The following IQGAP1 variants were observed in gnomAD, a reference collection of about 807,000 sequenced individuals.
IQGAP1 encodes the protein ras GTPase-activating-like protein IQGAP1.
IQGAP1 carries 66 observed loss-of-function variants against 215.6 expected under a neutral mutation model. The observed-to-expected ratio is 0.31, with a 90% CI of 0.25 to 0.38. IQGAP1 has a LOEUF of 0.38. Ranked by LOEUF, IQGAP1 falls within the 10% of genes least tolerant of loss-of-function variation. The pLI is 1.00. For synonymous variants in IQGAP1, 772 were observed against 728.7 expected (o/e 1.06, Z -0.96); for missense variants, 1,712 against 1,997.1 (o/e 0.86, Z 2.72).
At chr15:90,492,492 AAATGAT>A (rs1435493118) in intron 34 of IQGAP1, 47 bp from the exon 35 acceptor site, 13 of 1,426,040 alleles carry the variant, frequency 9.1e-6, no homozygotes, top group Non-Finnish European at 1.2e-5. Flanking sequence ...TTGTAGTGTG[AAATGAT>A]AATGATAACT....
chr15:90,417,249 T>A (rs1965066581), intron 2 of IQGAP1, among the ~76,000 whole-genome samples: 1 of 152,248 alleles, frequency 6.6e-6, no homozygotes. Flanking sequence ...TTGTTGCCAT[T>A]GCTTTTGGTG....
chr15:90,498,584 G>T (rs1039508732), intron 37 of IQGAP1, among the ~76,000 whole-genome samples: 3 of 152,146 alleles, frequency 2.0e-5, no homozygotes, highest in African/African-American at 7.2e-5. Flanking sequence ...GTTAGGCACA[G>T]GTCCCAGCAG....
intron 2 of IQGAP1, among the ~76,000 whole-genome samples, chr15:90,401,742 A>C (rs1391214910): frequency 6.6e-6 from 1 of 152,226 alleles, no homozygotes; most frequent in Non-Finnish European, 1.5e-5. Context: ...TCCAGATTTC[A>C]GGTTTGGCAA....
At chr15:90,499,316 C>T (rs1966312903) in intron 37 of IQGAP1, among the ~76,000 whole-genome samples, 1 of 152,220 alleles carries the variant, frequency 6.6e-6, no homozygotes, top group Non-Finnish European at 1.5e-5. Context: ...ATCTCTGAGT[C>T]TCAGTAGCTC....
intron 36 of IQGAP1, among the ~76,000 whole-genome samples, chr15:90,495,157 A>G (rs1307702451): frequency 1.3e-5 from 2 of 152,220 alleles, no homozygotes; most frequent in Non-Finnish European, 2.9e-5. Context: ...AGTAACAATA[A>G]GAGGAGTTTG....
At chr15:90,481,269 CTTTTTTT>C (rs57452745) in intron 26 of IQGAP1, among the ~76,000 whole-genome samples, 16,205 of 112,930 alleles carry the variant, frequency 0.14, 1,146 homozygotes, top group African/African-American at 0.16. Flanking sequence ...CTCTCTGCCT[CTTTTTTT>C]TTTTTTTTTT....
intron 2 of IQGAP1, among the ~76,000 whole-genome samples, chr15:90,421,494 A>G (rs955965577): frequency 1.3e-5 from 2 of 151,390 alleles, no homozygotes; most frequent in African/African-American, 4.9e-5. Flanking sequence ...AAAAAAAGCT[A>G]GAGATATGGT....
At chr15:90,490,475 T>C (rs1326979392) in intron 33 of IQGAP1, among the ~76,000 whole-genome samples, 4 of 137,892 alleles carry the variant, frequency 2.9e-5, no homozygotes, top group Non-Finnish European at 6.3e-5. Flanking sequence ...ATGGCGACTA[T>C]GAAGGATGGC....
intron 22 of IQGAP1, 148 bp from the exon 23 acceptor site, chr15:90,474,337 C>T: frequency 1.3e-6 from 1 of 775,932 alleles, no homozygotes; most frequent in Non-Finnish European, 2.1e-6. Flanking sequence ...TAGCAATAGC[C>T]TGACACAGAA....
intron 2 of IQGAP1, among the ~76,000 whole-genome samples, chr15:90,395,823 C>T (rs555773167): frequency 6.6e-6 from 1 of 152,122 alleles, no homozygotes; most frequent in East Asian, 1.9e-4. Context: ...GAAGAAAGTA[C>T]GATTAGTACT....
intron 15 of IQGAP1, among the ~76,000 whole-genome samples, chr15:90,458,835 C>T (rs999473807): frequency 2.0e-5 from 3 of 152,144 alleles, no homozygotes; most frequent in African/African-American, 7.2e-5. Flanking sequence ...ATAATTATAT[C>T]TCTTAAATGA....
chr15:90,483,489 T>C lies in IQGAP1; in HGVS notation c.3684T>C (p.Ile1228=). The C allele has an allele frequency of 6.2e-7, 1 of 1,614,218 alleles. No individual in the cohort carries two copies. Among genetic ancestry groups the C allele is most frequent in the South Asian group, 1.1e-5 (1 of 91,082 alleles). The part of the protein sequence containing the change: ...TTDQRRNLGS[I]AKMLQHAASN... Reference sequence around the variant, plus strand: ...ACCAACGCCGAAATCTGGGCTCCATTGCAAAAATGCTTCAGCATGCTGCTT... The same window carrying C: ...ACCAACGCCGAAATCTGGGCTCCATCGCAAAAATGCTTCAGCATGCTGCTT... The change falls in exon 29 of 38, where the codon ATT becomes ATC. Residue 1228 remains isoleucine, a synonymous_variant. Coordinates refer to ENST00000268182, the MANE Select transcript of IQGAP1 (RefSeq NM_003870.4).
chr15:90,404,234 G>A (rs554476036), intron 2 of IQGAP1, among the ~76,000 whole-genome samples: 4 of 152,266 alleles, frequency 2.6e-5, no homozygotes, highest in African/African-American at 4.8e-5. Flanking sequence ...ATTTGCTCTC[G>A]TAAGAGGTTG....
chr15:90,477,710 G>A lies in IQGAP1; in HGVS notation c.3150G>A (p.Thr1050=), dbSNP rs148636125. The A allele has an allele frequency of 1.2e-5, 19 of 1,613,776 alleles. No individual in the cohort carries two copies. The highest frequency in any genetic ancestry group is 9.4e-5 in the African/African-American group (7 of 74,864). The part of the protein sequence containing the change: ...QIQEIVTGNP[T]VIKMVVSFNR... Reference sequence around the variant, plus strand: ...AAGAGATTGTGACAGGAAATCCTACGGTTATTAAAATGGTTGTAAGTTTCA... The same window carrying A: ...AAGAGATTGTGACAGGAAATCCTACAGTTATTAAAATGGTTGTAAGTTTCA... Residue 1050 remains threonine (T), a synonymous_variant, in exon 26 of 38, where the codon ACG becomes ACA. Coordinates refer to ENST00000268182, the MANE Select transcript of IQGAP1 (RefSeq NM_003870.4).
chr15:90,449,726 A>C, intron 11 of IQGAP1, 83 bp downstream of exon 11: 1 of 1,151,112 alleles, frequency 8.7e-7, no homozygotes, highest in Non-Finnish European at 1.3e-6. Flanking sequence ...TGTCATCGTC[A>C]TCACCCACTC....
chr15:90,472,666 C>G (rs903323161), intron 18 of IQGAP1, among the ~76,000 whole-genome samples, 174 bp from the exon 19 acceptor site: 3 of 151,362 alleles, frequency 2.0e-5, no homozygotes, highest in East Asian at 3.9e-4. Flanking sequence ...TGTGTGAGAA[C>G]AACCTAGTCC....
At chr15:90,406,082 T>C (rs1964873881) in intron 2 of IQGAP1, among the ~76,000 whole-genome samples, 1 of 152,096 alleles carries the variant, frequency 6.6e-6, no homozygotes, top group African/African-American at 2.4e-5. Context: ...GGGGTGCAAA[T>C]GTACTAATTA....
At chr15:90,422,405 CTAAA>C (rs1290289988) in intron 2 of IQGAP1, among the ~76,000 whole-genome samples, 3 of 151,674 alleles carry the variant, frequency 2.0e-5, no homozygotes, top group Non-Finnish European at 4.4e-5. Flanking sequence ...GGAATTAATT[CTAAA>C]TAAAGAAGAA....
intron 33 of IQGAP1, among the ~76,000 whole-genome samples, chr15:90,489,143 T>A (rs79502481): frequency 2.0e-4 from 24 of 118,540 alleles, no homozygotes; most frequent in Non-Finnish European, 3.1e-4. Flanking sequence ...TTTTTTTTTT[T>A]AATTTGAGAC....
Sources: gnomAD v4.1 joint callset for allele counts (sites outside exome capture counted in the v4.1 genomes callset) on GRCh38, gnomAD v4.1.1 for gene constraint, MANE v1.5 for transcripts, NCBI Gene and HGNC (gene_info 2026-07-23, HGNC 2026-07-21) for gene names.